Variants in AMMECR1 observed in about 807,000 individuals in gnomAD.
The protein encoded by AMMECR1 is AMMECR nuclear protein 1.
A neutral mutation model predicts 22.5 loss-of-function variants in AMMECR1; 3 were observed. That is an observed-to-expected ratio of 0.13 (90% CI 0.06 to 0.35). AMMECR1 has a LOEUF of 0.35. Among genes scored for constraint, AMMECR1 ranks in the 10% least tolerant of loss-of-function variants. The pLI, the probability that AMMECR1 is intolerant of heterozygous loss-of-function variation, is 1.00. For synonymous variants in AMMECR1, 130 were observed against 116.7 expected (o/e 1.11, Z -0.74); for missense variants, 235 against 278.7 (o/e 0.84, Z 1.12).
chrX:110,253,960 C>T (rs1398929023), intron 2 of AMMECR1, among the ~76,000 whole-genome samples: 1 of 111,518 alleles, frequency 9.0e-6, no homozygotes, highest in East Asian at 2.8e-4. Flanking sequence ...CTTTTCTTCC[C>T]TAAAACTTTA....
At chrX:110,416,496 G>A (rs750380401) in intron 2 of AMMECR1, among the ~76,000 whole-genome samples, 19 of 110,796 alleles carry the variant, frequency 1.7e-4, no homozygotes, top group Non-Finnish European at 3.0e-4. Flanking sequence ...TGAATCACTT[G>A]CCCGGGGTCA....
chrX:110,375,392 T>C (rs909211622), intron 2 of AMMECR1, among the ~76,000 whole-genome samples: 1 of 111,905 alleles, frequency 8.9e-6, no homozygotes, highest in Non-Finnish European at 1.9e-5. Context: ...TACTTAAACA[T>C]TGAGGCTAGT....
intron 1 of AMMECR1, among the ~76,000 whole-genome samples, chrX:110,298,485 T>C (rs1193020096): frequency 1.8e-5 from 2 of 110,682 alleles, no homozygotes; most frequent in African/African-American, 6.6e-5. Flanking sequence ...GCAGGTATGA[T>C]ATGAAAACAA....
chrX:110,321,028 G>A (rs2068076922), upstream of AMMECR1, among the ~76,000 whole-genome samples: 1 of 111,794 alleles, frequency 8.9e-6, no homozygotes, highest in South Asian at 3.7e-4. Context: ...AGGCATTTGA[G>A]GAAATGCCTC....
At chrX:110,207,463 A>G (rs1461032130) in intron 3 of AMMECR1, among the ~76,000 whole-genome samples, 1 of 111,603 alleles carries the variant, frequency 9.0e-6, no homozygotes, top group Non-Finnish European at 1.9e-5. Context: ...TTGAGCTAGA[A>G]AAGTTAAGAA....
intron 2 of AMMECR1, among the ~76,000 whole-genome samples, chrX:110,416,463 G>A (rs749315435): frequency 1.5e-4 from 17 of 111,570 alleles, no homozygotes; most frequent in African/African-American, 4.6e-4. Context: ...ATGACAGGTG[G>A]GAAAATGGAG....
At chrX:110,209,265 T>C (rs183983861) in intron 3 of AMMECR1, among the ~76,000 whole-genome samples, 20 of 112,489 alleles carry the variant, frequency 1.8e-4, no homozygotes, top group Non-Finnish European at 3.8e-4. Context: ...AATTTGTTCC[T>C]AAAAAGTTAC....
intron 2 of AMMECR1, among the ~76,000 whole-genome samples, chrX:110,381,094 G>A (rs2068415430): frequency 8.9e-6 from 1 of 111,931 alleles, no homozygotes; most frequent in South Asian, 3.7e-4. Context: ...TGACAGGTGG[G>A]ATCTAATTAA....
At chrX:110,230,736 G>A (rs781593286) in intron 2 of AMMECR1, among the ~76,000 whole-genome samples, 48 of 111,933 alleles carry the variant, frequency 4.3e-4, no homozygotes, top group African/African-American at 1.4e-3. Flanking sequence ...ACTTCTACGA[G>A]CTGAAGGAGG....
At chrX:110,260,467 A>T (rs1302926753) in intron 2 of AMMECR1, among the ~76,000 whole-genome samples, 1 of 111,159 alleles carries the variant, frequency 9.0e-6, no homozygotes, top group Non-Finnish European at 1.9e-5. Context: ...TCATTTAAAA[A>T]ATACCCGGTC....
chrX:110,287,250 CT>C (rs1245383400), intron 1 of AMMECR1, among the ~76,000 whole-genome samples: 4 of 112,472 alleles, frequency 3.6e-5, no homozygotes, highest in Non-Finnish European at 7.5e-5. Flanking sequence ...GACACACTAA[CT>C]GGTGTAGTCA....
intron 1 of AMMECR1, among the ~76,000 whole-genome samples, chrX:110,307,645 T>C (rs1306733599): frequency 9.1e-6 from 1 of 110,466 alleles, no homozygotes; most frequent in Non-Finnish European, 1.9e-5. Flanking sequence ...TCAAGAAAAA[T>C]AAGTAAGGAT....
chrX:110,230,247 C>T (rs2067557120), intron 2 of AMMECR1, among the ~76,000 whole-genome samples: 1 of 112,459 alleles, frequency 8.9e-6, no homozygotes, highest in Non-Finnish European at 1.9e-5. Context: ...GAGACACCTC[C>T]CAGTAGGGTC....
chrX:110,274,413 T>C (rs1395162830), intron 1 of AMMECR1, among the ~76,000 whole-genome samples: 1 of 111,843 alleles, frequency 8.9e-6, no homozygotes, highest in East Asian at 2.8e-4. Flanking sequence ...TTTTCTTTCA[T>C]GTATTTTGAG....
At position 110,198,308 on chromosome X, in the gene AMMECR1, C is replaced by T. The variant is rs1322010536; in HGVS notation, c.*212G>A. 1.5e-5 allele frequency: 4 copies of T among 265,857 alleles called. No individual in the cohort carries two copies. Among genetic ancestry groups the T allele is most frequent in the Non-Finnish European group, 2.6e-5 (4 of 151,033 alleles). 21.9% of individuals were successfully genotyped at this position (265,857 alleles called of 1,213,427 possible). ...ATATATGCTGCAAAAAAAAAATCAA[C>T]GATCTAAAATAATAAAACAGGATCT... On this transcript the variant is annotated 3_prime_UTR_variant, in exon 6 of 6. Transcript: ENST00000262844.
chrX:110,317,480 G>A (rs2068054584), intron 1 of AMMECR1, 119 bp downstream of exon 1: 4 of 1,056,246 alleles, frequency 3.8e-6, no homozygotes, highest in Non-Finnish European at 1.2e-6. Context: ...TAGCTCCGGG[G>A]ACCCGGGCAG....
rs774068575 is a variant in AMMECR1, at chrX:110,317,740, G to C, written c.332C>G (p.Ser111Trp). 2 of 1,194,268 alleles carry C rather than the reference G, an allele frequency of 1.7e-6. No homozygotes were observed. Among genetic ancestry groups the C allele is most frequent in the Non-Finnish European group, 2.3e-6 (2 of 886,071 alleles). Residue 111 changes from serine to tryptophan, a missense_variant, in exon 1 of 6, where the codon TCG (serine) becomes TGG (tryptophan). By Grantham distance (177) the Ser-to-Trp change is radical (BLOSUM62 -3). Around this residue, in one of 2 missense-constraint regions of AMMECR1, gnomAD observed 124 missense variants for 97.0 expected, o/e 1.28. Transcript: ENST00000262844. ...CGGCGATGAGGACGAGGCGGCGGAC[G>C]ATGAGGAGGGTGAGGAAGAGGTGGC... The part of the protein sequence containing the change: ...AAATSSSPSS[S>W]SAASSSSPGS...
chrX:110,403,474 G>A (rs1427691179), intron 2 of AMMECR1, among the ~76,000 whole-genome samples: 1 of 110,933 alleles, frequency 9.0e-6, no homozygotes, highest in Non-Finnish European at 1.9e-5. Flanking sequence ...ACACGCATGC[G>A]CGCACACACA....
At chrX:110,256,364 T>A (rs1251190394) in intron 2 of AMMECR1, among the ~76,000 whole-genome samples, 1 of 112,175 alleles carries the variant, frequency 8.9e-6, no homozygotes, top group Non-Finnish European at 1.9e-5. Context: ...TATATTGTTT[T>A]CCATCTTTAG....
Sources: allele counts gnomAD v4.1 joint callset (sites outside exome capture counted in the v4.1 genomes callset), GRCh38; gene constraint gnomAD v4.1.1; regional missense constraint gnomAD v4.1.1; transcripts MANE v1.5; gene names NCBI Gene and HGNC (gene_info 2026-07-23, HGNC 2026-07-21).